The following CDH7 variants were observed in gnomAD, a reference collection of about 807,000 sequenced individuals.
The protein encoded by CDH7 is cadherin 7.
CDH7 carries 25 observed loss-of-function variants against 71.8 expected under a neutral mutation model. The ratio of observed to expected loss-of-function variants is 0.35; its 90% confidence interval spans 0.25 to 0.49. The LOEUF (loss-of-function observed/expected upper bound fraction) is 0.49. Ranked by LOEUF, CDH7 falls within the 20% of genes least tolerant of loss-of-function variation. The pLI is 0.99. For missense variants in CDH7, 862 were observed against 974.6 expected (o/e 0.88, Z 1.54); for synonymous variants, 381 against 363.8 (o/e 1.05, Z -0.54).
intron 6 of CDH7, among the ~76,000 whole-genome samples, chr18:65,831,008 A>T (rs1183029430): frequency 6.6e-6 from 1 of 152,122 alleles, no homozygotes; most frequent in African/African-American, 2.4e-5. Context: ...ATATATTTTT[A>T]TTATTCCAGC....
At chr18:65,827,100 A>G (rs1319743688) in intron 6 of CDH7, among the ~76,000 whole-genome samples, 1 of 151,682 alleles carries the variant, frequency 6.6e-6, no homozygotes, top group Admixed American at 6.6e-5. Context: ...TTATTCATCA[A>G]TCATTATATG....
At chr18:65,785,399 T>G (rs1011413310) in intron 2 of CDH7, among the ~76,000 whole-genome samples, 6 of 152,042 alleles carry the variant, frequency 3.9e-5, no homozygotes, top group Non-Finnish European at 7.4e-5. Flanking sequence ...TAAAAATATG[T>G]CTGGTTAAAG....
chr18:65,881,865 G>T lies in CDH7; in HGVS notation c.*971G>T, dbSNP rs985673181. On this transcript the variant is annotated 3_prime_UTR_variant, in exon 12 of 12. Transcript: ENST00000397968. The stretch of plus-strand genomic sequence containing the variant: ...GTAAAGCAATTGAGCCCTGTTGCAG[G>T]TCACATCTCAAAGAGGAGCACAGCT... 6.6e-6 allele frequency: 1 copy of T among 152,086 alleles called. No homozygotes were observed. The highest frequency in any genetic ancestry group is 2.4e-5 in the African/African-American group (1 of 41,412). 9.4% of individuals were successfully genotyped at this position (152,086 alleles called of 1,614,324 possible).
At chr18:65,816,785 G>A (rs927270780) in intron 4 of CDH7, among the ~76,000 whole-genome samples, 2 of 152,096 alleles carry the variant, frequency 1.3e-5, no homozygotes, top group African/African-American at 4.8e-5. Flanking sequence ...AACAAGCAAG[G>A]TAGCATGACA....
chr18:65,874,761 A>G (rs944649477), intron 11 of CDH7, among the ~76,000 whole-genome samples: 1 of 151,864 alleles, frequency 6.6e-6, no homozygotes, highest in Non-Finnish European at 1.5e-5. Flanking sequence ...TCATACATGT[A>G]TATATAGATA....
At chr18:65,866,328 A>C (rs1913757356) in intron 11 of CDH7, 1 of 1,056 alleles carries the variant, frequency 9.5e-4, no homozygotes, top group Non-Finnish European at 3.7e-3. Context: ...AAAAAAAAAA[A>C]AACAAAAAAA....
At chr18:65,819,116 C>T (rs1257259413) in intron 4 of CDH7, among the ~76,000 whole-genome samples, 1 of 152,110 alleles carries the variant, frequency 6.6e-6, no homozygotes, top group Non-Finnish European at 1.5e-5. Flanking sequence ...ACACTCCCAC[C>T]AGTGCCATGA....
At position 65,873,890 on chromosome 18, in the gene CDH7, A is replaced by T. The variant is rs1283355443; in HGVS notation, c.1865-6511A>T. On this transcript the variant is annotated intron_variant, in intron 11 of 11. Coordinates refer to ENST00000397968, the MANE Select transcript of CDH7 (RefSeq NM_004361.5). ...TTCCTAGCATATTTTATATTGCTTT[A>T]TATTTAATTCATTCTATAATATTTA... Among the ~76,000 whole-genome samples, 3 of 152,138 alleles carry T rather than the reference A, an allele frequency of 2.0e-5. No individual in the cohort carries two copies. In the East Asian group the frequency reaches 5.8e-4, roughly 29 times the overall value.
intron 10 of CDH7, among the ~76,000 whole-genome samples, chr18:65,861,266 T>G (rs920218905): frequency 2.0e-5 from 3 of 152,156 alleles, no homozygotes; most frequent in African/African-American, 7.2e-5. Flanking sequence ...ATCACTTTTC[T>G]GAATATAGAG....
Position 65,791,957 on chromosome 18 carries a change from T to C in CDH7, c.211-17747T>C, listed in dbSNP as rs1041432494. 1.3e-4 allele frequency among the ~76,000 whole-genome samples: 20 copies of C among 152,330 alleles called. No individual in the cohort carries two copies. The East Asian group carries it at 3.7e-3, about 28-fold the overall frequency. On this transcript the variant is annotated intron_variant, in intron 2 of 11. Transcript: ENST00000397968. ...ATTTTCAATGGCTATCTCTGGCTTTTAATTAAGTGGCCTTTGACTAAATAA... is the reference window on the plus strand; with the variant it reads ...ATTTTCAATGGCTATCTCTGGCTTTCAATTAAGTGGCCTTTGACTAAATAA...
chr18:65,881,155 G>T lies in CDH7; in HGVS notation c.*261G>T, dbSNP rs533981528. On this transcript the variant is annotated 3_prime_UTR_variant, in exon 12 of 12. Transcript: ENST00000397968. ...TTTTTGATAAAAATAAATGCTCAGT[G>T]GTTTGTGAATAGATAGCAACTCTCA... 4 of 327,514 alleles carry T rather than the reference G, an allele frequency of 1.2e-5. No homozygotes were observed. The highest frequency in any genetic ancestry group is 5.5e-5 in the East Asian group (1 of 18,118). The allele number at this position is 327,514 out of a possible 1,614,324, so 20.3% of individuals were successfully genotyped here. A position where few individuals can be genotyped will look rare whatever the true frequency, so the allele number is the denominator to read the frequency against.
intron 2 of CDH7, among the ~76,000 whole-genome samples, chr18:65,774,332 T>G (rs1916635025): frequency 6.6e-6 from 1 of 152,108 alleles, no homozygotes; most frequent in Non-Finnish European, 1.5e-5. Flanking sequence ...AACATTTTTA[T>G]GCCAAAATGT....
intron 2 of CDH7, among the ~76,000 whole-genome samples, chr18:65,791,497 G>A (rs144492535): frequency 7.6e-4 from 116 of 152,274 alleles, no homozygotes; most frequent in African/African-American, 2.7e-3. Context: ...ATATGGGAAA[G>A]TTAAGCCGAG....
At chr18:65,806,222 T>G (rs1599019256) in intron 2 of CDH7, among the ~76,000 whole-genome samples, 1 of 150,424 alleles carries the variant, frequency 6.6e-6, no homozygotes, top group Non-Finnish European at 1.5e-5. Context: ...CTCCTCAGCT[T>G]ATTTTTTGCC....
intron 2 of CDH7, among the ~76,000 whole-genome samples, chr18:65,767,503 A>T (rs1284316533): frequency 6.6e-6 from 1 of 152,218 alleles, no homozygotes; most frequent in South Asian, 2.1e-4. Context: ...TCTACAGTTT[A>T]TAGATTTTAT....
intron 7 of CDH7, among the ~76,000 whole-genome samples, chr18:65,854,720 G>A (rs950844723): frequency 6.6e-5 from 10 of 151,976 alleles, no homozygotes; most frequent in Non-Finnish European, 1.0e-4. Context: ...TTAGAGATTT[G>A]ACAAAGAGAG....
Position 65,834,844 on chromosome 18 carries a change from C to T in CDH7, c.982-8968C>T, listed in dbSNP as rs77036219. On this transcript the variant is annotated intron_variant, in intron 6 of 11. Transcript: ENST00000397968. ...TTTTATCTGGATATGCTGCCATCAC[C>T]TGACAAAAACTGGTCACCAACTCTC... Among the ~76,000 whole-genome samples, 41 of 152,326 alleles carry T rather than the reference C, an allele frequency of 2.7e-4. No individual in the cohort carries two copies. The East Asian group carries it at 7.9e-3, about 29-fold the overall frequency.
Position 65,858,945 on chromosome 18 carries a change from A to G in CDH7, c.1393A>G (p.Arg465Gly), listed in dbSNP as rs1270396481. 13 of 1,611,974 alleles carry G rather than the reference A, an allele frequency of 8.1e-6. No individual in the cohort carries two copies. Among genetic ancestry groups the G allele is most frequent in the Non-Finnish European group, 1.0e-5 (12 of 1,178,178 alleles). ...ATTAGAGAATCCATCTCAAGTAGGAAGAGGCTATGTGGCCATCACTATACT... is the reference window on the plus strand; with the variant it reads ...ATTAGAGAATCCATCTCAAGTAGGAGGAGGCTATGTGGCCATCACTATACT... ...MESQNPSQVG[R>G]GYVAITILDI... is the part of the protein sequence containing the mutation. The change falls in exon 9 of 12, where the codon AGA (arginine) becomes GGA (glycine). Residue 465 changes from arginine to glycine, a missense_variant. Physicochemically the swap from Arg to Gly is moderately radical, Grantham distance 125 (BLOSUM62 -2). Coordinates refer to ENST00000397968, the MANE Select transcript of CDH7 (RefSeq NM_004361.5).
intron 6 of CDH7, among the ~76,000 whole-genome samples, chr18:65,825,386 A>G (rs755217964): frequency 2.3e-4 from 35 of 151,882 alleles, no homozygotes; most frequent in Non-Finnish European, 4.7e-4. Flanking sequence ...AGTGTGAAAG[A>G]GACAGAAAGT....
Sources: allele counts gnomAD v4.1 joint callset (sites outside exome capture counted in the v4.1 genomes callset), GRCh38; gene constraint gnomAD v4.1.1; transcripts MANE v1.5; gene names NCBI Gene and HGNC (gene_info 2026-07-23, HGNC 2026-07-21).